TMEM39B: variants seen among roughly 807,000 people sequenced by gnomAD.
TMEM39B encodes the protein transmembrane protein 39B.
Under a neutral mutation model 52.2 loss-of-function variants are expected in TMEM39B, and 23 were observed. That is an observed-to-expected ratio of 0.44 (90% CI 0.32 to 0.62). The LOEUF (loss-of-function observed/expected upper bound fraction) is 0.62, where lower values mean the gene tolerates loss of function less well. Among genes scored for constraint, TMEM39B ranks in the 20% least tolerant of loss-of-function variants. The pLI, the probability that TMEM39B is intolerant of heterozygous loss-of-function variation, is 0.06. For synonymous variants in TMEM39B, 285 were observed against 264.0 expected (o/e 1.08, Z -0.77); for missense variants, 547 against 642.0 (o/e 0.85, Z 1.60).
intron 1 of TMEM39B, chr1:32,073,895 TA>T (rs1557908126): frequency 1.0e-6 from 1 of 984,604 alleles, no homozygotes; most frequent in African/African-American, 1.7e-5. Context: ...TATAACTTTT[TA>T]AAAATATGTA....
chr1:32,075,890 T>G (rs1639838015), intron 3 of TMEM39B, 68 bp downstream of exon 3: 3 of 1,117,234 alleles, frequency 2.7e-6, no homozygotes, highest in East Asian at 5.3e-5. Flanking sequence ...GTGTGTGTGT[T>G]TCTTTTGGTT....
chr1:32,093,389 A>C (rs1640682219), intron 6 of TMEM39B, among the ~76,000 whole-genome samples: 3 of 131,730 alleles, frequency 2.3e-5, no homozygotes, highest in African/African-American at 5.7e-5. Flanking sequence ...ATGAGCCACC[A>C]AGCCCGGCCC....
chr1:32,073,240 T>C (rs1639711076), intron 1 of TMEM39B, 189 bp downstream of exon 1: 1 of 604,844 alleles, frequency 1.7e-6, no homozygotes, highest in Non-Finnish European at 2.4e-6. Flanking sequence ...GGGCGGGACA[T>C]TGGACGGTGG....
intron 2 of TMEM39B, among the ~76,000 whole-genome samples, chr1:32,075,324 G>A (rs957141811): frequency 1.3e-5 from 2 of 152,206 alleles, no homozygotes; most frequent in Admixed American, 6.5e-5. Flanking sequence ...ATTTGCTGAT[G>A]GCTTGGACAA....
At chr1:32,079,385 C>T (rs979731519) in intron 5 of TMEM39B, among the ~76,000 whole-genome samples, 3 of 151,796 alleles carry the variant, frequency 2.0e-5, no homozygotes, top group East Asian at 1.9e-4. Context: ...AGGGTTTCAC[C>T]GTGTTAGCCA....
At chr1:32,084,717 G>A (rs371947994) in intron 5 of TMEM39B, among the ~76,000 whole-genome samples, 1 of 152,052 alleles carries the variant, frequency 6.6e-6, no homozygotes, top group South Asian at 2.1e-4. Context: ...TTACAGGCAC[G>A]CCACCATGCC....
chr1:32,082,498 A>G (rs974267366), intron 5 of TMEM39B, among the ~76,000 whole-genome samples: 1 of 151,994 alleles, frequency 6.6e-6, no homozygotes, highest in Admixed American at 6.6e-5. Flanking sequence ...TCTGTCACCC[A>G]GGCTGGAGTG....
intron 5 of TMEM39B, among the ~76,000 whole-genome samples, chr1:32,079,470 C>G (rs1640003487): frequency 6.6e-6 from 1 of 152,112 alleles, no homozygotes. Flanking sequence ...AGGCATGAGC[C>G]ACCGCGCCTG....
intron 7 of TMEM39B, among the ~76,000 whole-genome samples, chr1:32,098,601 C>T (rs1321105865): frequency 2.0e-5 from 3 of 152,062 alleles, no homozygotes; most frequent in Non-Finnish European, 4.4e-5. Context: ...GGCGCAGTGG[C>T]GGGCGCCTGT....
At chr1:32,094,175 G>A (rs1640724841) in intron 6 of TMEM39B, among the ~76,000 whole-genome samples, 1 of 120,712 alleles carries the variant, frequency 8.3e-6, no homozygotes, top group Non-Finnish European at 1.6e-5. Context: ...TGCCCAGGCT[G>A]GAGTGCAGTG....
Position 32,075,532 on chromosome 1 carries a change from C to A in TMEM39B, c.132-71C>A. 2.0e-6 allele frequency: 3 copies of A among 1,463,866 alleles called. No homozygotes were observed. The Admixed American group carries it at 6.2e-5, about 30-fold the overall frequency. The allele number at this position is 1,463,866 out of a possible 1,614,324, so 90.7% of individuals were successfully genotyped here. A position where few individuals can be genotyped will look rare whatever the true frequency, so the allele number is the denominator to read the frequency against. On this transcript the variant is annotated intron_variant, in intron 2 of 8. Coordinates refer to ENST00000336294, the MANE Select transcript of TMEM39B (RefSeq NM_018056.4). Reference sequence around the variant, plus strand: ...GCTTTTCTGATCTTATCCCACAATCCTTTGCCTCAGAAGCCCTTCCTGGTA... The same window carrying A: ...GCTTTTCTGATCTTATCCCACAATCATTTGCCTCAGAAGCCCTTCCTGGTA...
intron 8 of TMEM39B, 141 bp downstream of exon 8, chr1:32,100,703 C>A: frequency 2.6e-6 from 3 of 1,137,980 alleles, no homozygotes; most frequent in Non-Finnish European, 3.8e-6. Context: ...ACATGTAGCA[C>A]AAGGACAGCC....
Position 32,072,969 on chromosome 1 carries a change from C to T in TMEM39B, c.-79C>T. On this transcript the variant is annotated 5_prime_UTR_variant, in exon 1 of 9. Coordinates refer to ENST00000336294, the MANE Select transcript of TMEM39B (RefSeq NM_018056.4). ...CCGGGACTGGGCTGCGGCGGTTAGT[C>T]CTCTCCCGGCCGCCGTCGCCTCCGA... is the stretch of plus-strand genomic sequence containing the variant. 2 of 1,519,608 alleles carry T rather than the reference C, an allele frequency of 1.3e-6. No homozygotes were observed. The highest frequency in any genetic ancestry group is 1.8e-6 in the Non-Finnish European group (2 of 1,130,258). The allele number at this position is 1,519,608 out of a possible 1,614,324, so 94.1% of individuals were successfully genotyped here.
rs112210187 is a variant in TMEM39B, at chr1:32,090,971, A to G, written c.591-704A>G. 1.9e-4 allele frequency among the ~76,000 whole-genome samples: 29 copies of G among 152,060 alleles called. 1 individual carries two copies. The highest frequency in any genetic ancestry group is 6.7e-4 in the African/African-American group (28 of 41,486). The stretch of plus-strand genomic sequence containing the variant: ...TGCCTAATTTTTAAATTTGTTTTGT[A>G]GAGATGGGGTCTCACTATGTTGCCC... On this transcript the variant is annotated intron_variant, in intron 5 of 8. Coordinates refer to ENST00000336294, the MANE Select transcript of TMEM39B (RefSeq NM_018056.4).
intron 7 of TMEM39B, among the ~76,000 whole-genome samples, chr1:32,098,764 C>G (rs1640909239): frequency 6.6e-6 from 1 of 152,092 alleles, no homozygotes; most frequent in South Asian, 2.1e-4. Flanking sequence ...GCTCACCGGT[C>G]CTAGCATTTC....
chr1:32,089,986 G>A (rs978633849), intron 5 of TMEM39B, among the ~76,000 whole-genome samples: 8 of 151,372 alleles, frequency 5.3e-5, no homozygotes, highest in Admixed American at 4.0e-4. Context: ...CTAAGATCGC[G>A]GCACTGCACT....
intron 6 of TMEM39B, among the ~76,000 whole-genome samples, chr1:32,093,161 C>T (rs1046361712): frequency 2.0e-5 from 3 of 151,838 alleles, no homozygotes; most frequent in Admixed American, 1.3e-4. Flanking sequence ...TGCAGTGGTG[C>T]GATCTTAGCT....
In TMEM39B at chr1:32,077,226, C is replaced by T. The variant is rs760792980; in HGVS notation, c.498C>T (p.Thr166=). 13 of 1,614,166 alleles carry T rather than the reference C, an allele frequency of 8.1e-6. 1 individual carries two copies. The South Asian group carries it at 1.3e-4, about 16-fold the overall frequency. The stretch of plus-strand genomic sequence containing the variant: ...TCCTGCTGTTCCTCACTCGCTTCAC[C>T]GTTCTCACGGCAACAGGCTGGAGTC... ...RSILLFLTRF[T]VLTATGWSLC... is the part of the protein sequence containing the mutation. Residue 166 remains threonine, a synonymous_variant, in exon 5 of 9, where the codon ACC becomes ACT. Transcript: ENST00000336294.
chr1:32,080,355 G>A (rs1323227283), intron 5 of TMEM39B, among the ~76,000 whole-genome samples: 1 of 151,958 alleles, frequency 6.6e-6, no homozygotes. Flanking sequence ...CTTCGAAAGG[G>A]TTGCACTGGT....
Sources: allele counts gnomAD v4.1 joint callset (sites outside exome capture counted in the v4.1 genomes callset), GRCh38; gene constraint gnomAD v4.1.1; transcripts MANE v1.5; gene names NCBI Gene and HGNC (gene_info 2026-07-23, HGNC 2026-07-21).